The following KIDINS220 variants were observed in gnomAD, a reference collection of about 807,000 sequenced individuals.
The protein encoded by KIDINS220 is kinase D-interacting substrate of 220 kDa.
A neutral mutation model predicts 157.6 loss-of-function variants in KIDINS220; 63 were observed. The ratio of observed to expected loss-of-function variants is 0.40; its 90% confidence interval spans 0.33 to 0.49. The LOEUF (loss-of-function observed/expected upper bound fraction) is 0.49. Ranked by LOEUF, KIDINS220 falls within the 20% of genes least tolerant of loss-of-function variation. The pLI, the probability that KIDINS220 is intolerant of heterozygous loss-of-function variation, is 0.66. For missense variants in KIDINS220, 1,772 were observed against 2,171.2 expected, an observed-to-expected ratio of 0.82 and a Z score of 3.65; for synonymous variants, 732 against 783.6, an observed-to-expected ratio of 0.93 and a Z score of 1.10.
At chr2:8,795,186 G>C (rs1572691059) in intron 11 of KIDINS220, among the ~76,000 whole-genome samples, 1 of 152,092 alleles carries the variant, frequency 6.6e-6, no homozygotes, top group South Asian at 2.1e-4. Context: ...TCCATCACCA[G>C]CCTTGATTTC....
intron 21 of KIDINS220, among the ~76,000 whole-genome samples, chr2:8,771,803 A>C (rs567700556): frequency 6.6e-6 from 1 of 152,108 alleles, no homozygotes; most frequent in Non-Finnish European, 1.5e-5. Context: ...CAGAAATTAT[A>C]TTTTCATGGC....
intron 22 of KIDINS220, among the ~76,000 whole-genome samples, chr2:8,768,387 G>A (rs1405259443): frequency 1.3e-5 from 2 of 152,150 alleles, no homozygotes; most frequent in East Asian, 1.9e-4. Flanking sequence ...GGTTTACAGA[G>A]GGGTCTATTT....
At chr2:8,823,663 T>A (rs1455262467) in intron 2 of KIDINS220, among the ~76,000 whole-genome samples, 1 of 152,176 alleles carries the variant, frequency 6.6e-6, no homozygotes, top group African/African-American at 2.4e-5. Context: ...GATGTGCTAT[T>A]TTTTCCTTCC....
intron 6 of KIDINS220, among the ~76,000 whole-genome samples, chr2:8,809,435 G>C (rs865816984): frequency 6.6e-6 from 1 of 151,196 alleles, no homozygotes; most frequent in African/African-American, 2.4e-5. Flanking sequence ...CACCTTTGAT[G>C]CTACAATAGC....
rs113991487 is a variant in KIDINS220, at chr2:8,793,961, A to G, written c.1125T>C (p.Ala375=). The G allele has an allele frequency of 1.2e-3, 1,906 of 1,612,872 alleles. 19 individuals carry two copies. The highest frequency in any genetic ancestry group is 0.011 in the South Asian group (1,014 of 90,726). The change falls in exon 12 of 30, where the codon GCT becomes GCC. Residue 375 remains alanine (A), a synonymous_variant. Coordinates refer to ENST00000256707, the MANE Select transcript of KIDINS220 (RefSeq NM_020738.4). The part of the protein sequence containing the change: ...DKKGDTPLHI[A]IRGRSRKLAE... ...CCAGTTTCCGGCTCCTTCCACGAATAGCAATATGCAAGGGAGTATCTCCTT... is the reference window on the plus strand; with the variant it reads ...CCAGTTTCCGGCTCCTTCCACGAATGGCAATATGCAAGGGAGTATCTCCTT...
At chr2:8,772,637 C>T (rs940739755) in intron 21 of KIDINS220, among the ~76,000 whole-genome samples, 21 of 151,944 alleles carry the variant, frequency 1.4e-4, no homozygotes, top group African/African-American at 2.9e-4. Context: ...TTCTGAACAA[C>T]GAATATGTCT....
intron 6 of KIDINS220, among the ~76,000 whole-genome samples, chr2:8,809,774 T>C (rs1224502053): frequency 6.6e-6 from 1 of 151,986 alleles, no homozygotes; most frequent in East Asian, 1.9e-4. Context: ...CCTATTTCTG[T>C]CAGAAATAAA....
chr2:8,751,687 T>C (rs1667385097), intron 22 of KIDINS220, 43 bp from the exon 23 acceptor site: 1 of 1,370,312 alleles, frequency 7.3e-7, no homozygotes, highest in African/African-American at 1.5e-5. Flanking sequence ...AATGTCACTA[T>C]TAGAAAGGTA....
At chr2:8,804,588 G>T (rs1312922356) in intron 7 of KIDINS220, among the ~76,000 whole-genome samples, 3 of 152,058 alleles carry the variant, frequency 2.0e-5, no homozygotes, top group South Asian at 4.1e-4. Context: ...ATTGAAGAGG[G>T]AAAATAAGGC....
intron 22 of KIDINS220, among the ~76,000 whole-genome samples, chr2:8,755,882 C>T (rs78681805): frequency 0.063 from 9,614 of 152,214 alleles, 967 homozygotes; most frequent in African/African-American, 0.21. Flanking sequence ...ATTACTGTAG[C>T]TTTGTAGTAT....
Position 8,729,559 on chromosome 2 carries a change from A to G in KIDINS220, c.*1161T>C, listed in dbSNP as rs1393262864. The G allele has an allele frequency of 1.0e-6, 1 of 979,194 alleles. No individual in the cohort carries two copies. The highest frequency in any genetic ancestry group is 1.2e-6 in the Non-Finnish European group (1 of 824,354). The allele number at this position is 979,194 out of a possible 1,614,324, so 60.7% of individuals were successfully genotyped here. On this transcript the variant is annotated 3_prime_UTR_variant, in exon 30 of 30. Transcript: ENST00000256707. Reference sequence around the variant, plus strand: ...TCGGCTAATAATTAATGGAAAGTACACTTTTACAGTCACAGCACTTATATA... The same window carrying G: ...TCGGCTAATAATTAATGGAAAGTACGCTTTTACAGTCACAGCACTTATATA...
At chr2:8,813,566 C>T (rs1008393324) in intron 4 of KIDINS220, among the ~76,000 whole-genome samples, 17 of 152,166 alleles carry the variant, frequency 1.1e-4, no homozygotes, top group African/African-American at 4.1e-4. Context: ...ATTATGAAAC[C>T]TGAATTAGAG....
intron 22 of KIDINS220, among the ~76,000 whole-genome samples, chr2:8,752,134 C>G (rs1363264129): frequency 6.6e-6 from 1 of 152,132 alleles, no homozygotes; most frequent in Non-Finnish European, 1.5e-5. Context: ...TTCCTCCCAC[C>G]TCAGCCTCCA....
At chr2:8,737,411 C>A (rs931282241) in intron 26 of KIDINS220, 10 of 158,992 alleles carry the variant, frequency 6.3e-5, no homozygotes, top group Non-Finnish European at 1.3e-4. Flanking sequence ...AATAAACCTA[C>A]AAAATAATTT....
intron 28 of KIDINS220, among the ~76,000 whole-genome samples, chr2:8,734,208 T>A (rs1664555409): frequency 6.6e-6 from 1 of 150,922 alleles, no homozygotes; most frequent in Non-Finnish European, 1.5e-5. Context: ...TGAGCCGACA[T>A]CACCTGGGGG....
At chr2:8,736,830 A>T (rs749661494) in intron 27 of KIDINS220, 38 bp downstream of exon 27, 15 of 1,611,302 alleles carry the variant, frequency 9.3e-6, no homozygotes, top group African/African-American at 2.7e-5. Context: ...TTCCGCCCCC[A>T]GCGCTGTCTC....
At position 8,813,279 on chromosome 2, in the gene KIDINS220, C is replaced by T. The variant is rs1286090013; in HGVS notation, c.363G>A (p.Glu121=). Residue 121 remains glutamate (E), a synonymous_variant, in exon 5 of 30, where the codon GAG becomes GAA. Transcript: ENST00000256707. ...ACYKGRTDVV[E]LLLSHGANPS... ...GATTGGCACCATGAGAAAGAAGCAA[C>T]TCTACTACGTCAGTACGGCCTTTGT... The T allele has an allele frequency of 6.2e-7, 1 of 1,613,378 alleles. No homozygotes were observed.
intron 21 of KIDINS220, among the ~76,000 whole-genome samples, chr2:8,771,426 T>C (rs1558387392): frequency 6.6e-6 from 1 of 152,238 alleles, no homozygotes; most frequent in Non-Finnish European, 1.5e-5. Flanking sequence ...CTGAGGACTC[T>C]GATTTGCTGT....
chr2:8,787,082 T>C (rs1291833602), intron 15 of KIDINS220, among the ~76,000 whole-genome samples: 1 of 152,036 alleles, frequency 6.6e-6, no homozygotes, highest in Non-Finnish European at 1.5e-5. Context: ...GTCTTGACGA[T>C]GCTACTTTAA....
Sources: allele counts gnomAD v4.1 joint callset (sites outside exome capture counted in the v4.1 genomes callset), GRCh38; gene constraint gnomAD v4.1.1; transcripts MANE v1.5; gene names NCBI Gene and HGNC (gene_info 2026-07-23, HGNC 2026-07-21).